Variants in POU6F2 observed in about 807,000 individuals in gnomAD.
POU6F2 encodes the protein POU class 6 homeobox 2.
Under a neutral mutation model 71.3 loss-of-function variants are expected in POU6F2, and 31 were observed. The ratio of observed to expected loss-of-function variants is 0.43; its 90% CI spans 0.33 to 0.59. POU6F2 has a LOEUF of 0.59. Ranked by LOEUF, POU6F2 falls within the 20% of genes least tolerant of loss-of-function variation. The probability of loss-of-function intolerance (pLI) is 0.04; values close to 1 mark genes in which losing one functional copy is unlikely to be tolerated. For synonymous variants in POU6F2, 347 were observed against 355.7 expected (o/e 0.98, Z 0.27); for missense variants, 783 against 856.8 (o/e 0.91, Z 1.07).
At chr7:39,009,472 G>C (rs571227810) in intron 1 of POU6F2, among the ~76,000 whole-genome samples, 6 of 152,116 alleles carry the variant, frequency 3.9e-5, no homozygotes, top group African/African-American at 1.4e-4. Flanking sequence ...CTGCAAACAG[G>C]GACAATCTGA....
At chr7:39,052,662 G>A (rs1525797) in intron 1 of POU6F2, among the ~76,000 whole-genome samples, 99,064 of 151,988 alleles carry the variant, frequency 0.65, 33,093 homozygotes, top group East Asian at 0.96. Flanking sequence ...GAGCCAAACC[G>A]TATCAGCCAG....
Position 39,464,262 on chromosome 7 carries a change from T to G in POU6F2, c.1739T>G (p.Leu580Arg). Residue 580 changes from leucine (L) to arginine (R), a missense_variant, in exon 10 of 10, where the codon CTG (leucine) becomes CGG (arginine). Coordinates refer to ENST00000518318, the MANE Select transcript of POU6F2 (RefSeq NM_001370959.1). This position sits in a 1 kb window ranked among gnomAD's most constrained non-coding sequence, Gnocchi z 4.1. ...ATAGCTAGCAGTCTGACAGCCAAAC[T>G]GAACCCTGGCCTTTTGTATCCTGCC... is the stretch of plus-strand genomic sequence containing the variant. ...NTIASSLTAK[L>R]NPGLLYPARF... 2 of 1,613,996 alleles carry G rather than the reference T, an allele frequency of 1.2e-6. No homozygotes were observed. Among genetic ancestry groups the G allele is most frequent in the South Asian group, 1.1e-5 (1 of 91,090 alleles).
intron 1 of POU6F2, among the ~76,000 whole-genome samples, chr7:39,037,185 T>C (rs1238509103): frequency 1.3e-5 from 2 of 152,096 alleles, no homozygotes; most frequent in Non-Finnish European, 2.9e-5. Flanking sequence ...ATGAGGATAC[T>C]GAGGTAATGG....
chr7:38,983,962 T>C (rs1246665687), intron 1 of POU6F2, among the ~76,000 whole-genome samples: 1 of 152,102 alleles, frequency 6.6e-6, no homozygotes, highest in African/African-American at 2.4e-5. Flanking sequence ...AAAACCCCCA[T>C]GGTATGAAAG....
chr7:39,038,000 G>A (rs929128571), intron 1 of POU6F2, among the ~76,000 whole-genome samples: 2 of 151,978 alleles, frequency 1.3e-5, no homozygotes, highest in Admixed American at 1.3e-4. Context: ...TTAAAGAAAG[G>A]AGTTCTCACT....
chr7:39,170,324 A>T (rs183990688), intron 2 of POU6F2, among the ~76,000 whole-genome samples: 1 of 152,332 alleles, frequency 6.6e-6, no homozygotes. Flanking sequence ...GAGAAAAAGG[A>T]AGTAAAAAGT....
intron 5 of POU6F2, among the ~76,000 whole-genome samples, chr7:39,353,508 G>A (rs1443212069): frequency 6.6e-6 from 1 of 152,150 alleles, no homozygotes; most frequent in Non-Finnish European, 1.5e-5. Context: ...TATTTAAAAT[G>A]CTTTAAAATT....
intron 7 of POU6F2, among the ~76,000 whole-genome samples, chr7:39,450,223 T>C (rs748017661): frequency 6.6e-6 from 1 of 152,194 alleles, no homozygotes; most frequent in Non-Finnish European, 1.5e-5. Context: ...TGGTAGTCCT[T>C]CTCAGACTGG....
chr7:39,290,104 G>A (rs1294757280), intron 4 of POU6F2, among the ~76,000 whole-genome samples: 4 of 152,110 alleles, frequency 2.6e-5, no homozygotes, highest in Admixed American at 1.3e-4. Flanking sequence ...ATTTTTTAAC[G>A]TGTTTATGTC....
At chr7:38,989,140 C>G (rs918781666) in intron 1 of POU6F2, among the ~76,000 whole-genome samples, 1 of 151,998 alleles carries the variant, frequency 6.6e-6, no homozygotes, top group Non-Finnish European at 1.5e-5. Flanking sequence ...AGGCTAGGAG[C>G]CACACTAGCC....
chr7:39,156,757 A>G (rs533037246), intron 2 of POU6F2, among the ~76,000 whole-genome samples: 4 of 152,206 alleles, frequency 2.6e-5, no homozygotes, highest in Non-Finnish European at 4.4e-5. Flanking sequence ...AAGATTCAAG[A>G]TGAAAACCAG....
chr7:39,003,159 C>G (rs925957365), intron 1 of POU6F2, among the ~76,000 whole-genome samples: 8 of 151,994 alleles, frequency 5.3e-5, no homozygotes, highest in African/African-American at 1.5e-4. Flanking sequence ...AGATGCATAT[C>G]TAAATATTTA....
At chr7:39,382,495 C>A (rs945212668) in intron 5 of POU6F2, among the ~76,000 whole-genome samples, 1 of 152,172 alleles carries the variant, frequency 6.6e-6, no homozygotes, top group Non-Finnish European at 1.5e-5. Flanking sequence ...ACCCCAGCCA[C>A]GGATCTCAGG....
intron 1 of POU6F2, among the ~76,000 whole-genome samples, chr7:39,044,887 A>G (rs1790258941): frequency 6.6e-6 from 1 of 151,934 alleles, no homozygotes; most frequent in African/African-American, 2.4e-5. Flanking sequence ...TTAAAGGGCA[A>G]TTATCAGTCC....
At chr7:39,402,473 C>T (rs1468794735) in intron 5 of POU6F2, among the ~76,000 whole-genome samples, 3 of 151,926 alleles carry the variant, frequency 2.0e-5, no homozygotes, top group Admixed American at 6.6e-5. Flanking sequence ...GAGATGGACT[C>T]ATTCACAATA....
chr7:39,365,121 C>T (rs1293183705), intron 5 of POU6F2, among the ~76,000 whole-genome samples: 1 of 152,134 alleles, frequency 6.6e-6, no homozygotes, highest in Non-Finnish European at 1.5e-5. Flanking sequence ...CATCACATTA[C>T]CTGATTTCAA....
At chr7:39,301,234 G>A (rs1227086309) in intron 4 of POU6F2, among the ~76,000 whole-genome samples, 1 of 152,142 alleles carries the variant, frequency 6.6e-6, no homozygotes, top group East Asian at 1.9e-4. Context: ...TCCAGCATCA[G>A]GAAGAAATGA....
chr7:39,253,600 C>T (rs1783965948), intron 4 of POU6F2, among the ~76,000 whole-genome samples: 1 of 152,164 alleles, frequency 6.6e-6, no homozygotes, highest in Non-Finnish European at 1.5e-5. Flanking sequence ...ATCACTGCTG[C>T]CCATCGCCTA....
chr7:39,451,482 T>A, intron 7 of POU6F2, 51 bp from the exon 8 acceptor site: 1 of 1,514,266 alleles, frequency 6.6e-7, no homozygotes, highest in Admixed American at 1.9e-5. Context: ...CTGGCATTTT[T>A]CCCCTAATTT....
Sources: gnomAD v4.1 joint callset for allele counts (sites outside exome capture counted in the v4.1 genomes callset) on GRCh38, gnomAD v4.1.1 for gene constraint, Gnocchi (gnomAD v3.1) non-coding constraint, MANE v1.5 for transcripts, NCBI Gene and HGNC (gene_info 2026-07-23, HGNC 2026-07-21) for gene names.